THRB: variants seen among roughly 807,000 people sequenced by gnomAD.
THRB encodes the protein thyroid hormone receptor beta, also known as nuclear receptor subfamily 1 group A member 2.
In THRB, 12 loss-of-function variants were observed where a neutral mutation model predicts 47.8. The ratio of observed to expected loss-of-function variants is 0.25; its 90% CI spans 0.16 to 0.41. The LOEUF (loss-of-function observed/expected upper bound fraction) is 0.41, where lower values mean the gene tolerates loss of function less well. Among genes scored for constraint, THRB ranks in the 10% least tolerant of loss-of-function variants. THRB has a pLI of 1.00. For synonymous variants in THRB, 218 were observed against 212.2 expected (o/e 1.03, Z -0.24); for missense variants, 348 against 589.2 (o/e 0.59, Z 4.24).
At chr3:24,406,962 G>C (rs1348067189) in intron 1 of THRB, among the ~76,000 whole-genome samples, 2 of 151,856 alleles carry the variant, frequency 1.3e-5, no homozygotes, top group Non-Finnish European at 2.9e-5. Context: ...CTAGGTCTAT[G>C]GGAATAGCCA....
intron 1 of THRB, among the ~76,000 whole-genome samples, chr3:24,413,045 G>A (rs2068442009): frequency 6.6e-6 from 1 of 151,810 alleles, no homozygotes; most frequent in African/African-American, 2.4e-5. Context: ...TAGGTGGATT[G>A]TAAGTTGGTA....
chr3:24,349,897 T>C (rs1485298977), intron 1 of THRB, among the ~76,000 whole-genome samples: 1 of 152,040 alleles, frequency 6.6e-6, no homozygotes, highest in African/African-American at 2.4e-5. Flanking sequence ...AATTAGATTA[T>C]ATTAAAATTA....
At chr3:24,480,291 G>A (rs1033405290) in intron 1 of THRB, among the ~76,000 whole-genome samples, 6 of 152,172 alleles carry the variant, frequency 3.9e-5, no homozygotes, top group African/African-American at 9.7e-5. Context: ...AGCTCTCTGG[G>A]TCCACAGTAT....
At chr3:24,236,101 G>A (rs1464679961) in intron 3 of THRB, among the ~76,000 whole-genome samples, 1 of 152,152 alleles carries the variant, frequency 6.6e-6, no homozygotes, top group East Asian at 1.9e-4. Context: ...TGGATCTCTT[G>A]GGGGTAAAAG....
chr3:24,143,860 A>G, intron 7 of THRB, 154 bp from the exon 8 acceptor site: 1 of 718,610 alleles, frequency 1.4e-6, no homozygotes, highest in Non-Finnish European at 2.4e-6. Context: ...TTCTCTCCTC[A>G]CCAGCAAACT....
At chr3:24,186,898 T>C (rs779763737) in intron 5 of THRB, among the ~76,000 whole-genome samples, 12 of 136,868 alleles carry the variant, frequency 8.8e-5, no homozygotes, top group East Asian at 2.1e-4. Flanking sequence ...TGAGCCGAGA[T>C]TGCGCCACTG....
intron 4 of THRB, among the ~76,000 whole-genome samples, chr3:24,194,572 T>C (rs1358991845): frequency 2.0e-5 from 3 of 152,206 alleles, no homozygotes; most frequent in African/African-American, 7.2e-5. Context: ...TGCATTGGCT[T>C]GTGTGTCTCA....
chr3:24,275,229 G>C (rs1400316487), intron 3 of THRB, among the ~76,000 whole-genome samples: 1 of 152,092 alleles, frequency 6.6e-6, no homozygotes, highest in Admixed American at 6.6e-5. Context: ...AAGATTTATA[G>C]TCTTGAAAAA....
intron 3 of THRB, among the ~76,000 whole-genome samples, chr3:24,286,995 G>A (rs901903671): frequency 1.1e-4 from 16 of 152,092 alleles, no homozygotes; most frequent in African/African-American, 3.4e-4. Context: ...TTGAAGTTGG[G>A]TAAATTCCAA....
intron 2 of THRB, among the ~76,000 whole-genome samples, chr3:24,309,616 G>C (rs962947473): frequency 6.6e-6 from 1 of 152,116 alleles, no homozygotes; most frequent in African/African-American, 2.4e-5. Context: ...AATTAATAAT[G>C]TCTTACTAAG....
chr3:24,310,816 C>A lies in THRB; in HGVS notation c.-188-13445G>T, dbSNP rs560991412. Reference sequence around the variant, plus strand: ...CCTACAATGCACAGGACATTCCCCACCACAAATAATTATCTGGTCCAAAAT... The same window carrying A: ...CCTACAATGCACAGGACATTCCCCAACACAAATAATTATCTGGTCCAAAAT... On this transcript the variant is annotated intron_variant, in intron 2 of 10. Transcript: ENST00000646209. 9.9e-5 allele frequency among the ~76,000 whole-genome samples: 15 copies of A among 152,236 alleles called. No individual in the cohort carries two copies. In the East Asian group the frequency reaches 2.7e-3, roughly 27 times the overall value.
intron 4 of THRB, among the ~76,000 whole-genome samples, chr3:24,226,461 G>C (rs1388151043): frequency 2.6e-5 from 4 of 152,184 alleles, no homozygotes; most frequent in Non-Finnish European, 5.9e-5. Flanking sequence ...TATGTGTCTG[G>C]AGTAGGTTTC....
intron 4 of THRB, among the ~76,000 whole-genome samples, chr3:24,195,052 T>A (rs2043800704): frequency 1.3e-5 from 2 of 152,218 alleles, no homozygotes; most frequent in Non-Finnish European, 2.9e-5. Flanking sequence ...GAATTATCAT[T>A]GTGTAGCATC....
chr3:24,381,014 C>A (rs192389759), intron 1 of THRB, among the ~76,000 whole-genome samples: 57 of 151,122 alleles, frequency 3.8e-4, no homozygotes, highest in African/African-American at 1.1e-3. Context: ...ACTGTGGAGG[C>A]TGAGGCAGGA....
At chr3:24,352,822 T>C (rs1190689134) in intron 1 of THRB, among the ~76,000 whole-genome samples, 1 of 152,224 alleles carries the variant, frequency 6.6e-6, no homozygotes, top group Non-Finnish European at 1.5e-5. Flanking sequence ...AAACACTGGC[T>C]AGTGAAATTA....
intron 1 of THRB, among the ~76,000 whole-genome samples, chr3:24,453,699 A>G (rs1324939001): frequency 6.6e-6 from 1 of 152,206 alleles, no homozygotes; most frequent in Admixed American, 6.5e-5. Context: ...ATGAAATTCA[A>G]ACTCCTTAAT....
At chr3:24,332,351 C>T (rs1299097783) in intron 2 of THRB, among the ~76,000 whole-genome samples, 2 of 152,166 alleles carry the variant, frequency 1.3e-5, no homozygotes, top group East Asian at 1.9e-4. Flanking sequence ...GATAGAACCA[C>T]GACCCCTGCT....
chr3:24,478,061 T>A (rs1695758294), intron 1 of THRB, among the ~76,000 whole-genome samples: 2 of 152,140 alleles, frequency 1.3e-5, no homozygotes, highest in African/African-American at 4.8e-5. Context: ...TAAAAATATG[T>A]CTTAATGTGA....
rs146161879 is a variant in THRB at position 24,278,947 on chromosome 3, T to G, written c.-43+18279A>C. ...GCAGCCTTGAACTCCTGGGATCAAG[T>G]GATCCTTCCCCCTCAGCCTCCCAAG... On this transcript the variant is annotated intron_variant, in intron 3 of 10. Coordinates refer to ENST00000646209, the MANE Select transcript of THRB (RefSeq NM_001354712.2). 6.1e-3 allele frequency among the ~76,000 whole-genome samples: 911 copies of G among 150,478 alleles called. 15 individuals are homozygous for G. The highest frequency in any genetic ancestry group is 0.022 in the African/African-American group (859 of 39,862).
Sources: allele counts gnomAD v4.1 joint callset (sites outside exome capture counted in the v4.1 genomes callset), GRCh38; gene constraint gnomAD v4.1.1; transcripts MANE v1.5; gene names NCBI Gene and HGNC (gene_info 2026-07-23, HGNC 2026-07-21).